Variants in SGMS1 observed in about 807,000 individuals in gnomAD.
SGMS1 encodes the protein phosphatidylcholine:ceramide cholinephosphotransferase 1.
Under a neutral mutation model 46.2 loss-of-function variants are expected in SGMS1, and 13 were observed. That is an observed-to-expected ratio of 0.28 (90% CI 0.18 to 0.45). The LOEUF (loss-of-function observed/expected upper bound fraction) is 0.45, where lower values mean the gene tolerates loss of function less well. Among genes scored for constraint, SGMS1 ranks in the 20% least tolerant of loss-of-function variants. SGMS1 has a pLI of 1.00. For synonymous variants in SGMS1, 203 were observed against 187.8 expected, an observed-to-expected ratio of 1.08 and a Z score of -0.66; for missense variants, 324 against 519.9, an observed-to-expected ratio of 0.62 and a Z score of 3.66.
intron 6 of SGMS1, among the ~76,000 whole-genome samples, chr10:50,431,902 G>A (rs1211994217): frequency 3.3e-5 from 5 of 152,164 alleles, no homozygotes; most frequent in African/African-American, 7.2e-5. Context: ...ATAGGCAAGC[G>A]ATGCCAGGGG....
chr10:50,380,232 T>A (rs1462693407), intron 6 of SGMS1, among the ~76,000 whole-genome samples: 1 of 151,760 alleles, frequency 6.6e-6, no homozygotes, highest in Non-Finnish European at 1.5e-5. Flanking sequence ...AATACAAAAA[T>A]TAGCCAGACA....
At chr10:50,510,303 A>G (rs143680223) in intron 3 of SGMS1, among the ~76,000 whole-genome samples, 6 of 152,296 alleles carry the variant, frequency 3.9e-5, no homozygotes, top group African/African-American at 7.2e-5. Context: ...GGACAATTAC[A>G]TTTTTTCCAG....
intron 2 of SGMS1, among the ~76,000 whole-genome samples, chr10:50,528,191 G>A (rs1452925064): frequency 1.3e-5 from 2 of 152,128 alleles, no homozygotes; most frequent in East Asian, 3.8e-4. Flanking sequence ...ATATCAATAA[G>A]TATGAATTAT....
At chr10:50,589,539 G>T (rs1275394178) in intron 2 of SGMS1, among the ~76,000 whole-genome samples, 1 of 151,358 alleles carries the variant, frequency 6.6e-6, no homozygotes, top group East Asian at 1.9e-4. Flanking sequence ...GCTCCATCAC[G>T]GCTCACTACA....
At chr10:50,536,854 G>C (rs931652161) in intron 2 of SGMS1, among the ~76,000 whole-genome samples, 1 of 152,146 alleles carries the variant, frequency 6.6e-6, no homozygotes, top group South Asian at 2.1e-4. Context: ...TATCATATAG[G>C]TGAATTATAT....
intron 6 of SGMS1, among the ~76,000 whole-genome samples, chr10:50,350,839 C>T (rs1238553451): frequency 6.6e-6 from 1 of 152,196 alleles, no homozygotes; most frequent in Non-Finnish European, 1.5e-5. Flanking sequence ...TCATGGAGAA[C>T]CTCTGCTAGG....
intron 8 of SGMS1, among the ~76,000 whole-genome samples, chr10:50,323,734 C>A (rs1208295218): frequency 6.6e-6 from 1 of 152,138 alleles, no homozygotes; most frequent in African/African-American, 2.4e-5. Flanking sequence ...AAATCCAGCC[C>A]TTGGAATCTT....
intron 6 of SGMS1, among the ~76,000 whole-genome samples, chr10:50,394,119 G>A (rs1257297605): frequency 1.3e-5 from 2 of 152,060 alleles, no homozygotes; most frequent in Non-Finnish European, 2.9e-5. Context: ...AGTTTTAAGA[G>A]AAGTTTTCTT....
intron 6 of SGMS1, among the ~76,000 whole-genome samples, chr10:50,349,660 T>TA (rs766025463): frequency 6.6e-6 from 1 of 152,122 alleles, no homozygotes; most frequent in Non-Finnish European, 1.5e-5. Flanking sequence ...GGTCCCCTTA[T>TA]ACTGTTCTTG....
At chr10:50,427,877 G>A (rs1255660258) in intron 6 of SGMS1, among the ~76,000 whole-genome samples, 1 of 152,068 alleles carries the variant, frequency 6.6e-6, no homozygotes, top group Non-Finnish European at 1.5e-5. Context: ...TTCTGATGAA[G>A]GTTGACATCT....
At chr10:50,504,852 C>CAA (rs1457027426) in intron 3 of SGMS1, among the ~76,000 whole-genome samples, 2 of 152,182 alleles carry the variant, frequency 1.3e-5, no homozygotes, top group Admixed American at 6.5e-5. Flanking sequence ...CTGCTGCTCT[C>CAA]AAATTTCCCT....
intron 2 of SGMS1, among the ~76,000 whole-genome samples, chr10:50,521,367 T>C (rs1837855599): frequency 6.6e-6 from 1 of 152,212 alleles, no homozygotes; most frequent in South Asian, 2.1e-4. Context: ...CACAGCATTT[T>C]ACCTCTAAAT....
chr10:50,506,488 G>A (rs997405013), intron 3 of SGMS1, among the ~76,000 whole-genome samples: 19 of 152,044 alleles, frequency 1.2e-4, no homozygotes, highest in African/African-American at 3.9e-4. Flanking sequence ...AAAGTTAGGA[G>A]CTATGAAAAA....
intron 2 of SGMS1, among the ~76,000 whole-genome samples, chr10:50,565,105 C>T (rs1284790241): frequency 6.6e-6 from 1 of 152,094 alleles, no homozygotes; most frequent in Non-Finnish European, 1.5e-5. Context: ...AAACGCTTTC[C>T]TTTGTCAGTT....
At chr10:50,521,891 A>G (rs904948752) in intron 2 of SGMS1, among the ~76,000 whole-genome samples, 5 of 152,174 alleles carry the variant, frequency 3.3e-5, no homozygotes, top group African/African-American at 1.2e-4. Flanking sequence ...AACTTTTCCA[A>G]TGAAAAATTA....
intron 2 of SGMS1, among the ~76,000 whole-genome samples, chr10:50,550,891 T>G (rs538690465): frequency 1.4e-4 from 21 of 152,328 alleles, no homozygotes; most frequent in Admixed American, 9.8e-4. Context: ...AATGTAGTAT[T>G]GCATTATAAC....
intron 2 of SGMS1, among the ~76,000 whole-genome samples, chr10:50,521,395 CTAAGAA>C (rs1172824754): frequency 6.6e-6 from 1 of 152,126 alleles, no homozygotes; most frequent in African/African-American, 2.4e-5. Flanking sequence ...AATTTATTTC[CTAAGAA>C]TAAGAATATT....
chr10:50,470,403 T>A (rs892504530), intron 3 of SGMS1, among the ~76,000 whole-genome samples: 3 of 152,000 alleles, frequency 2.0e-5, no homozygotes, highest in Non-Finnish European at 4.4e-5. Context: ...TAACTTTCAA[T>A]AAACAGAGTT....
At chr10:50,620,625 G>A (rs990890530) in intron 1 of SGMS1, among the ~76,000 whole-genome samples, 1 of 152,172 alleles carries the variant, frequency 6.6e-6, no homozygotes, top group Non-Finnish European at 1.5e-5. Context: ...TTTAGGAGAA[G>A]AAGAAATACC....
Sources: gnomAD v4.1 joint callset for allele counts (sites outside exome capture counted in the v4.1 genomes callset) on GRCh38, gnomAD v4.1.1 for gene constraint, MANE v1.5 for transcripts, NCBI Gene and HGNC (gene_info 2026-07-23, HGNC 2026-07-21) for gene names.